SLC9A5: variants seen among roughly 807,000 people sequenced by gnomAD.
The protein encoded by SLC9A5 is solute carrier family 9 member A5, also known as sodium/hydrogen exchanger 5.
A neutral mutation model predicts 91.7 loss-of-function variants in SLC9A5; 52 were observed. The ratio of observed to expected loss-of-function variants is 0.57; its 90% CI spans 0.45 to 0.71. The LOEUF (loss-of-function observed/expected upper bound fraction) is 0.71. SLC9A5 is among the 30% of genes least tolerant of loss of function. The pLI is 0.00. For missense variants in SLC9A5, 871 were observed against 1,158.9 expected, an observed-to-expected ratio of 0.75 and a Z score of 3.61; for synonymous variants, 419 against 474.5, an observed-to-expected ratio of 0.88 and a Z score of 1.52.
At chr16:67,253,675 A>T (rs959731453) in intron 2 of SLC9A5, among the ~76,000 whole-genome samples, 1 of 152,180 alleles carries the variant, frequency 6.6e-6, no homozygotes, top group Non-Finnish European at 1.5e-5. Flanking sequence ...AGCACATGTC[A>T]CTATGCCCAG....
rs376396936 is a variant in SLC9A5 at position 67,257,107 on chromosome 16, C to T, written c.1329C>T (p.Ile443=). 32 of 1,608,696 alleles carry T rather than the reference C, an allele frequency of 2.0e-5. No homozygotes were observed. The highest frequency in any genetic ancestry group is 2.3e-5 in the Non-Finnish European group (27 of 1,179,330). Residue 443 remains isoleucine (I), a synonymous_variant, in exon 7 of 16, where the codon ATC becomes ATT. Coordinates refer to ENST00000299798, the MANE Select transcript of SLC9A5 (RefSeq NM_004594.3). The surrounding 1 kb of genome is among the most constrained non-coding windows in gnomAD (Gnocchi z 5.1). The part of the protein sequence containing the change: ...TTIVVVFFTV[I]VQGLTIKPLV... ...TTGTAGTGGTCTTCTTCACAGTCAT[C>T]GTGCAGGTGGGAGTGCCCACAAGGC... is the stretch of plus-strand genomic sequence containing the variant.
Position 67,256,565 on chromosome 16 carries a change from C to T in SLC9A5, c.1008C>T (p.Ala336=). Residue 336 remains alanine, a synonymous_variant, in exon 6 of 16, where the codon GCC becomes GCT. Transcript: ENST00000299798. This position sits in a 1 kb window ranked among gnomAD's most constrained non-coding sequence, Gnocchi z 4.1. The stretch of plus-strand genomic sequence containing the variant: ...TCAAATATACAATGAAGACTCTAGC[C>T]AGCTGTGCTGAGACCGTGATCTTCA... ...TTVKYTMKTL[A]SCAETVIFML... is the part of the protein sequence containing the mutation. The T allele has an allele frequency of 6.2e-7, 1 of 1,614,050 alleles. No individual in the cohort carries two copies. The highest frequency in any genetic ancestry group is 2.2e-5 in the East Asian group (1 of 44,884).
rs763939285 is a variant in SLC9A5 at position 67,252,535 on chromosome 16, A to C, written c.188-7A>C. 6.2e-7 allele frequency: 1 copy of C among 1,606,506 alleles called. No homozygotes were observed. Reference sequence around the variant, plus strand: ...CTGATCCATCCTGCACTCTTTTTGCATTGCAGTGTTTCACCTGTCTCGGAA... The same window carrying C: ...CTGATCCATCCTGCACTCTTTTTGCCTTGCAGTGTTTCACCTGTCTCGGAA... On this transcript the variant is annotated splice_polypyrimidine_tract_variant and splice_region_variant and intron_variant, in intron 1 of 15. Transcript: ENST00000299798. The surrounding 1 kb of genome is among the most constrained non-coding windows in gnomAD (Gnocchi z 4.0).
Position 67,257,170 on chromosome 16 carries a change from T to C in SLC9A5, c.1335+57T>C. 6.5e-7 allele frequency: 1 copy of C among 1,531,484 alleles called. No homozygotes were observed. The highest frequency in any genetic ancestry group is 8.9e-7 in the Non-Finnish European group (1 of 1,124,144). The allele number at this position is 1,531,484 out of a possible 1,614,324, so 94.9% of individuals were successfully genotyped here. On this transcript the variant is annotated intron_variant, in intron 7 of 15. Coordinates refer to ENST00000299798, the MANE Select transcript of SLC9A5 (RefSeq NM_004594.3). The surrounding 1 kb of genome is among the most constrained non-coding windows in gnomAD (Gnocchi z 5.1). ...GGGTTGGGCAGGCCCTGGGGGAGTC[T>C]TGGAGCCTGTGGGACAGGGGCTTCT...
chr16:67,252,968 G>C lies in SLC9A5; in HGVS notation c.490+124G>C. ...GCTCCATCCTAGGTCCCTCCCTCTG[G>C]AGTGCAAGGCAGTGCTCCCGCTGGG... On this transcript the variant is annotated intron_variant, in intron 2 of 15. Coordinates refer to ENST00000299798, the MANE Select transcript of SLC9A5 (RefSeq NM_004594.3). The surrounding 1 kb of genome is among the most constrained non-coding windows in gnomAD (Gnocchi z 4.0). 1.1e-6 allele frequency: 1 copy of C among 895,648 alleles called. No homozygotes were observed. The highest frequency in any genetic ancestry group is 2.6e-5 in the East Asian group (1 of 37,784). 55.5% of individuals were successfully genotyped at this position (895,648 alleles called of 1,614,324 possible).
chr16:67,249,044 G>T lies in SLC9A5; in HGVS notation c.30G>T (p.Ala10=). The change falls in exon 1 of 16, where the codon GCG becomes GCT. Residue 10 remains alanine (A), a synonymous_variant. Transcript: ENST00000299798. ...TGCGCGCCGCCCTGTCCCTGCTCGC[G>T]CTGCCCCTGGCGGGGGCGGCCGAAG... MLRAALSLL[A]LPLAGAAEEP... 2 of 1,497,338 alleles carry T rather than the reference G, an allele frequency of 1.3e-6. No homozygotes were observed. The highest frequency in any genetic ancestry group is 2.5e-5 in the South Asian group (2 of 80,472). The allele number at this position is 1,497,338 out of a possible 1,614,324, so 92.8% of individuals were successfully genotyped here.
rs773507513 is a variant in SLC9A5, at chr16:67,255,914, C to G, written c.895C>G (p.Leu299Val). The G allele has an allele frequency of 1.6e-5, 26 of 1,613,450 alleles. No homozygotes were observed. The Admixed American group carries it at 4.3e-4, about 27-fold the overall frequency. The change falls in exon 5 of 16, where the codon CTC becomes GTC. Residue 299 changes from leucine to valine, a missense_variant. Physicochemically the swap from Leu to Val is conservative, Grantham distance 32. Coordinates refer to ENST00000299798, the MANE Select transcript of SLC9A5 (RefSeq NM_004594.3). This position sits in a 1 kb window ranked among gnomAD's most constrained non-coding sequence, Gnocchi z 4.9. Reference sequence around the variant, plus strand: ...CTACCTCACTGCTGAAATGGCCTCGCTCTCCGCCATTCTTGCGTGAGTTCT... The same window carrying G: ...CTACCTCACTGCTGAAATGGCCTCGGTCTCCGCCATTCTTGCGTGAGTTCT... ...AAYLTAEMAS[L>V]SAILAVTMCG... is the part of the protein sequence containing the mutation.
At position 67,256,719 on chromosome 16, in the gene SLC9A5, C is replaced by A; in HGVS notation, c.1132+30C>A. Reference sequence around the variant, plus strand: ...TGCTGGCACCCTCTGCTTTCCCACTCTCCTTCCTGTCCCGCCCCTCCCTGC... The same window carrying A: ...TGCTGGCACCCTCTGCTTTCCCACTATCCTTCCTGTCCCGCCCCTCCCTGC... On this transcript the variant is annotated intron_variant, in intron 6 of 15. Coordinates refer to ENST00000299798, the MANE Select transcript of SLC9A5 (RefSeq NM_004594.3). The surrounding 1 kb of genome is among the most constrained non-coding windows in gnomAD (Gnocchi z 4.1). 1 of 1,549,772 alleles carries A rather than the reference C, an allele frequency of 6.5e-7. No homozygotes were observed. The highest frequency in any genetic ancestry group is 8.9e-7 in the Non-Finnish European group (1 of 1,125,180).
chr16:67,269,525 C>G (rs944907613), intron 15 of SLC9A5, among the ~76,000 whole-genome samples: 1 of 152,162 alleles, frequency 6.6e-6, no homozygotes, highest in African/African-American at 2.4e-5. Context: ...TTTCATTTAT[C>G]AGTTTTCAGA....
intron 14 of SLC9A5, 94 bp downstream of exon 14, chr16:67,265,200 G>A: frequency 1.7e-6 from 2 of 1,191,306 alleles, no homozygotes; most frequent in South Asian, 1.2e-5. Flanking sequence ...GCTGTAGGGT[G>A]CATTCAGCAC....
intron 15 of SLC9A5, among the ~76,000 whole-genome samples, chr16:67,269,166 A>G (rs1417346861): frequency 2.6e-5 from 4 of 152,082 alleles, no homozygotes; most frequent in South Asian, 4.1e-4. Context: ...GCTCACACCT[A>G]TAATTCCAGC....
intron 12 of SLC9A5, chr16:67,261,542 T>C (rs2142367166): frequency 6.6e-6 from 1 of 152,312 alleles, no homozygotes; most frequent in South Asian, 2.1e-4. Context: ...AGTATGTCTC[T>C]CTAGGTGGCA....
chr16:67,249,278 C>T, intron 1 of SLC9A5, 77 bp downstream of exon 1: 1 of 1,184,006 alleles, frequency 8.4e-7, no homozygotes, highest in Non-Finnish European at 1.1e-6. Context: ...CCTCGGTCCT[C>T]AGATTGGGGC....
chr16:67,251,461 T>C (rs1279881037), intron 1 of SLC9A5, among the ~76,000 whole-genome samples: 1 of 134,312 alleles, frequency 7.4e-6, no homozygotes, highest in Non-Finnish European at 1.5e-5. Flanking sequence ...TCACCCAGGC[T>C]GGAGTACAGT....
At chr16:67,262,070 C>T (rs1442760277) in intron 12 of SLC9A5, 2 of 330,950 alleles carry the variant, frequency 6.0e-6, no homozygotes, top group Non-Finnish European at 1.2e-5. Flanking sequence ...TAAATGTCAT[C>T]TTATTTGCTT....
In SLC9A5 at chr16:67,270,196, T is replaced by G. The variant is rs1019160682; in HGVS notation, c.2219-542T>G. 3.3e-5 allele frequency among the ~76,000 whole-genome samples: 5 copies of G among 152,266 alleles called. No homozygotes were observed. The highest frequency in any genetic ancestry group is 1.2e-4 in the African/African-American group (5 of 41,556). On this transcript the variant is annotated intron_variant, in intron 15 of 15. Coordinates refer to ENST00000299798, the MANE Select transcript of SLC9A5 (RefSeq NM_004594.3). The surrounding 1 kb of genome is among the most constrained non-coding windows in gnomAD (Gnocchi z 4.3). Reference sequence around the variant, plus strand: ...CTATCTTCTTATTTTTTATTTTTATTTATTTTTTATATAGAGTCTCACTCT... The same window carrying G: ...CTATCTTCTTATTTTTTATTTTTATGTATTTTTTATATAGAGTCTCACTCT...
At chr16:67,264,916 TG>T in intron 13 of SLC9A5, 123 bp from the exon 14 acceptor site, 1 of 941,246 alleles carries the variant, frequency 1.1e-6, no homozygotes, top group Non-Finnish European at 1.7e-6. Flanking sequence ...GTAGAACCAC[TG>T]GGACTGACAT....
Position 67,252,522 on chromosome 16 carries a change from G to A in SLC9A5, c.188-20G>A. 2 of 1,599,986 alleles carry A rather than the reference G, an allele frequency of 1.3e-6. No individual in the cohort carries two copies. The highest frequency in any genetic ancestry group is 8.5e-7 in the Non-Finnish European group (1 of 1,172,554). On this transcript the variant is annotated intron_variant, in intron 1 of 15. Coordinates refer to ENST00000299798, the MANE Select transcript of SLC9A5 (RefSeq NM_004594.3). The surrounding 1 kb of genome is among the most constrained non-coding windows in gnomAD (Gnocchi z 4.0). ...GATATTCCATAAACTGATCCATCCT[G>A]CACTCTTTTTGCATTGCAGTGTTTC...
rs894582921 is a variant in SLC9A5 at position 67,272,085 on chromosome 16, C to T, written c.*875C>T. 1 of 152,348 alleles carries T rather than the reference C, an allele frequency of 6.6e-6. No individual in the cohort carries two copies. Among genetic ancestry groups the T allele is most frequent in the Non-Finnish European group, 1.5e-5 (1 of 68,138 alleles). The allele number at this position is 152,348 out of a possible 1,614,324, so 9.4% of individuals were successfully genotyped here. A position where few individuals can be genotyped will look rare whatever the true frequency, so the allele number is the denominator to read the frequency against. ...TCCATTGCTCTGGGGGCTGGGATGC[C>T]TGGCTAAGCAGGGGCTGACAGGGTG... On this transcript the variant is annotated 3_prime_UTR_variant, in exon 16 of 16. Transcript: ENST00000299798.
Sources: gnomAD v4.1 joint callset for allele counts (sites outside exome capture counted in the v4.1 genomes callset) on GRCh38, gnomAD v4.1.1 for gene constraint, Gnocchi (gnomAD v3.1) non-coding constraint, MANE v1.5 for transcripts, NCBI Gene and HGNC (gene_info 2026-07-23, HGNC 2026-07-21) for gene names.